The following BPIFB4 variants were observed in gnomAD, a reference collection of about 807,000 sequenced individuals.
BPIFB4 encodes the protein BPI fold-containing family B member 4.
BPIFB4 carries 62 observed loss-of-function variants against 69.2 expected under a neutral mutation model. The observed-to-expected ratio is 0.90, with a 90% CI of 0.73 to 1.11. The LOEUF is 1.11. Among genes scored for constraint, BPIFB4 ranks in the 50% least tolerant of loss-of-function variants. The pLI is 0.00. For synonymous variants in BPIFB4, 330 were observed against 332.7 expected, an observed-to-expected ratio of 0.99 and a Z score of 0.09; for missense variants, 789 against 792.0, an observed-to-expected ratio of 1.00 and a Z score of 0.04.
intron 14 of BPIFB4, among the ~76,000 whole-genome samples, chr20:33,102,563 G>C (rs1322829255): frequency 1.3e-5 from 2 of 152,254 alleles, no homozygotes; most frequent in Non-Finnish European, 2.9e-5. Flanking sequence ...TGCTCCACTG[G>C]AGGGCTGGAA....
At chr20:33,095,591 G>A (rs1981733899) in intron 12 of BPIFB4, among the ~76,000 whole-genome samples, 1 of 152,180 alleles carries the variant, frequency 6.6e-6, no homozygotes, top group Non-Finnish European at 1.5e-5. Flanking sequence ...GCTGCTTAGA[G>A]GGAAAAGCCA....
chr20:33,100,911 C>T (rs567181599), intron 14 of BPIFB4, among the ~76,000 whole-genome samples: 2 of 102,940 alleles, frequency 1.9e-5, no homozygotes, highest in African/African-American at 6.7e-5. Context: ...AAAAATTAGC[C>T]GGGCTTGGTA....
At chr20:33,102,346 C>T (rs563838387) in intron 14 of BPIFB4, among the ~76,000 whole-genome samples, 5 of 152,380 alleles carry the variant, frequency 3.3e-5, no homozygotes, top group Admixed American at 6.5e-5. Flanking sequence ...CGGGCAAGCC[C>T]GGTCTGGCCT....
chr20:33,105,621 C>T (rs2424956), intron 16 of BPIFB4, among the ~76,000 whole-genome samples: 80,014 of 152,072 alleles, frequency 0.53, 21,714 homozygotes, highest in Middle Eastern at 0.62. Flanking sequence ...CTCTCTCCCA[C>T]TCCTGCTTCC....
At chr20:33,110,811 A>T (rs1982215493) in intron 17 of BPIFB4, among the ~76,000 whole-genome samples, 5 of 130,304 alleles carry the variant, frequency 3.8e-5, no homozygotes, top group East Asian at 2.3e-4. Flanking sequence ...TATTTTGTTG[A>T]AGTTTTTTTT....
At chr20:33,105,289 T>C (rs746327325) in intron 16 of BPIFB4, among the ~76,000 whole-genome samples, 9 of 152,202 alleles carry the variant, frequency 5.9e-5, no homozygotes, top group Non-Finnish European at 1.2e-4. Context: ...TATTTAAACA[T>C]GTATTTATTT....
chr20:33,090,967 G>A (rs6059075), intron 10 of BPIFB4, among the ~76,000 whole-genome samples, 168 bp downstream of exon 10: 116,539 of 152,176 alleles, frequency 0.77, 45,075 homozygotes, highest in East Asian at 0.96. Context: ...ACATAATCAT[G>A]GCCAGCATTC....
intron 16 of BPIFB4, 115 bp from the exon 17 acceptor site, chr20:33,107,629 C>T (rs942105559): frequency 4.0e-6 from 3 of 756,686 alleles, no homozygotes; most frequent in Non-Finnish European, 6.8e-6. Flanking sequence ...GAGCGAGACT[C>T]TGTCTCAAAA....
chr20:33,081,734 A>T, intron 3 of BPIFB4, 102 bp downstream of exon 3: 1 of 1,486,846 alleles, frequency 6.7e-7, no homozygotes. Flanking sequence ...CAGAGTTCAC[A>T]TCGGGAGGCT....
intron 6 of BPIFB4, 117 bp from the exon 7 acceptor site, chr20:33,085,904 A>T: frequency 7.8e-7 from 1 of 1,289,102 alleles, no homozygotes; most frequent in Non-Finnish European, 1.1e-6. Context: ...TGGGTTCCTT[A>T]GAGATGAGCA....
chr20:33,091,659 T>C (rs1403280700), intron 10 of BPIFB4, among the ~76,000 whole-genome samples: 3 of 152,246 alleles, frequency 2.0e-5, no homozygotes, highest in African/African-American at 7.2e-5. Context: ...GAGATATTCA[T>C]TGGTCACCCG....
At chr20:33,082,231 A>G (rs1364754363) in intron 3 of BPIFB4, among the ~76,000 whole-genome samples, 1 of 152,150 alleles carries the variant, frequency 6.6e-6, no homozygotes, top group Non-Finnish European at 1.5e-5. Context: ...ATCTCTGAGT[A>G]CCTCACAGGC....
chr20:33,109,825 G>T (rs916997644), intron 17 of BPIFB4, among the ~76,000 whole-genome samples: 3 of 152,090 alleles, frequency 2.0e-5, no homozygotes, highest in African/African-American at 7.2e-5. Flanking sequence ...ATGGGTATTG[G>T]GTTTGAAAGG....
In BPIFB4 at chr20:33,100,336, C is replaced by T. The variant is rs1261193454; in HGVS notation, c.1570-90C>T. ...CATCATGCTCAGGGTTAACGAAGCC[C>T]TAGCTAGCACTGGGCACACAATGAG... On this transcript the variant is annotated intron_variant, in intron 13 of 17. Coordinates refer to ENST00000375483, the MANE Select transcript of BPIFB4 (RefSeq NM_182519.3). The T allele has an allele frequency of 7.9e-6, 9 of 1,140,990 alleles. No homozygotes were observed. The South Asian group carries it at 1.3e-4, about 16-fold the overall frequency. The allele number at this position is 1,140,990 out of a possible 1,614,324, so 70.7% of individuals were successfully genotyped here.
In BPIFB4 at chr20:33,082,974, A is replaced by G. The variant is rs1160619806; in HGVS notation, c.143A>G (p.His48Arg). The change falls in exon 4 of 18, where the codon CAC becomes CGC. Residue 48 changes from histidine (H) to arginine (R), a missense_variant. Around this residue, in one of 3 missense-constraint regions of BPIFB4, gnomAD observed 611 missense variants for 575.4 expected, o/e 1.06. Coordinates refer to ENST00000375483, the MANE Select transcript of BPIFB4 (RefSeq NM_182519.3). Reference protein sequence around the residue: ...SGMLQQSDALHSALREVPLGV... With the variant: ...SGMLQQSDALRSALREVPLGV... ...ATGCTGCAGCAAAGTGATGCTCTCC[A>G]CTCGGCCCTGAGAGAGGTGCCCTTG... 1 of 1,612,294 alleles carries G rather than the reference A, an allele frequency of 6.2e-7. No homozygotes were observed. The highest frequency in any genetic ancestry group is 1.1e-5 in the South Asian group (1 of 90,956).
At chr20:33,086,653 G>A (rs1981438481) in intron 7 of BPIFB4, among the ~76,000 whole-genome samples, 1 of 152,178 alleles carries the variant, frequency 6.6e-6, no homozygotes, top group South Asian at 2.1e-4. Context: ...GAGAGCTGAT[G>A]AACGTACGTC....
intron 16 of BPIFB4, among the ~76,000 whole-genome samples, chr20:33,106,671 T>C (rs1982066405): frequency 6.6e-6 from 1 of 152,140 alleles, no homozygotes; most frequent in Non-Finnish European, 1.5e-5. Context: ...ACTCACAATG[T>C]GGTGGGCGTG....
chr20:33,083,447 AT>A lies in BPIFB4; in HGVS notation c.253del (p.Tyr85ThrfsTer148), dbSNP rs1024314062. ...TACCAACGGCAAAAAACTTGATGGT[AT>A]TTACCAGTATGGTCACATTGAGACC... ...VYTNGKKLDG[I>X]YQYGHIETND... On this transcript the variant is annotated frameshift_variant, in exon 5 of 18. Coordinates refer to ENST00000375483, the MANE Select transcript of BPIFB4 (RefSeq NM_182519.3). LOFTEE classifies it high-confidence loss of function. 1 of 1,613,450 alleles carries A rather than the reference AT, an allele frequency of 6.2e-7. No individual in the cohort carries two copies. The highest frequency in any genetic ancestry group is 1.3e-5 in the African/African-American group (1 of 74,728).
intron 1 of BPIFB4, among the ~76,000 whole-genome samples, 166 bp from the exon 2 acceptor site, chr20:33,080,303 T>G (rs1251137876): frequency 6.6e-6 from 1 of 152,148 alleles, no homozygotes; most frequent in Non-Finnish European, 1.5e-5. Context: ...CCATGCCCTG[T>G]GCTGACTCTC....
Sources: gnomAD v4.1 joint callset for allele counts (sites outside exome capture counted in the v4.1 genomes callset) on GRCh38, gnomAD v4.1.1 for gene constraint, gnomAD v4.1.1 regional missense constraint, MANE v1.5 for transcripts, NCBI Gene and HGNC (gene_info 2026-07-23, HGNC 2026-07-21) for gene names.